ANKIB1: variants seen among roughly 807,000 people sequenced by gnomAD.
ANKIB1 encodes ankyrin repeat and IBR domain-containing protein 1.
ANKIB1 carries 43 observed loss-of-function variants against 122.1 expected under a neutral mutation model. That is an observed-to-expected ratio of 0.35 (90% CI 0.28 to 0.45). ANKIB1 has a LOEUF of 0.45. ANKIB1 is among the 20% of genes least tolerant of loss of function. The pLI, the probability that ANKIB1 is intolerant of heterozygous loss-of-function variation, is 1.00. For missense variants in ANKIB1, 992 were observed against 1,329.5 expected, an observed-to-expected ratio of 0.75 and a Z score of 3.95; for synonymous variants, 390 against 442.0, an observed-to-expected ratio of 0.88 and a Z score of 1.48.
chr7:92,353,951 C>G (rs1423097075), intron 9 of ANKIB1, among the ~76,000 whole-genome samples: 1 of 152,102 alleles, frequency 6.6e-6, no homozygotes, highest in Non-Finnish European at 1.5e-5. Context: ...AGGAAAATGT[C>G]TAAAAGATAA....
chr7:92,343,398 T>G (rs1223637151), intron 6 of ANKIB1, among the ~76,000 whole-genome samples, 166 bp downstream of exon 6: 1 of 152,224 alleles, frequency 6.6e-6, no homozygotes, highest in Non-Finnish European at 1.5e-5. Flanking sequence ...ATATTTATTA[T>G]TACAGAATGT....
intron 1 of ANKIB1, among the ~76,000 whole-genome samples, chr7:92,248,229 C>T (rs1429150625): frequency 6.6e-6 from 1 of 152,032 alleles, no homozygotes; most frequent in Non-Finnish European, 1.5e-5. Context: ...TCACTGTTCC[C>T]TTGACCACTA....
At position 92,353,231 on chromosome 7, in the gene ANKIB1, T is replaced by C. The variant is rs543043582; in HGVS notation, c.1397+589T>C. Among the ~76,000 whole-genome samples, 5 of 152,340 alleles carry C rather than the reference T, an allele frequency of 3.3e-5. No homozygotes were observed. In the East Asian group the frequency reaches 7.7e-4, roughly 24 times the overall value. ...TTAAAAATTTCCCAGGAGATGCTAA[T>C]GAACAGTTCTAGTCAGGAATCAATG... On this transcript the variant is annotated intron_variant, in intron 9 of 19. Coordinates refer to ENST00000265742, the MANE Select transcript of ANKIB1 (RefSeq NM_019004.2).
Position 92,352,497 on chromosome 7 carries a change from G to A in ANKIB1, c.1252G>A (p.Ala418Thr). 1 of 1,612,830 alleles carries A rather than the reference G, an allele frequency of 6.2e-7. No homozygotes were observed. The highest frequency in any genetic ancestry group is 8.5e-7 in the Non-Finnish European group (1 of 1,179,632). Reference sequence around the variant, plus strand: ...ACAGGCCTTTGTTGAAAATAATCCTGCCATTAAATGGTGTCCTACTCCAGG... The same window carrying A: ...ACAGGCCTTTGTTGAAAATAATCCTACCATTAAATGGTGTCCTACTCCAGG... ...DIKAFVENNP[A>T]IKWCPTPGCD... The change falls in exon 9 of 20, where the codon GCC becomes ACC. Residue 418 changes from alanine (A) to threonine (T), a missense_variant. Physicochemically the swap from Ala to Thr is moderately conservative, Grantham distance 58 (BLOSUM62 0). This residue lies in a region of ANKIB1 where 521 missense variants were observed against 777.7 expected (regional missense o/e 0.67). Transcript: ENST00000265742.
chr7:92,352,585 G>C lies in ANKIB1; in HGVS notation c.1340G>C (p.Ser447Thr). 1 of 1,613,256 alleles carries C rather than the reference G, an allele frequency of 6.2e-7. No individual in the cohort carries two copies. Among genetic ancestry groups the C allele is most frequent in the Non-Finnish European group, 8.5e-7 (1 of 1,179,744 alleles). The change falls in exon 9 of 20, where the codon AGC becomes ACC. Residue 447 changes from serine (S) to threonine (T), a missense_variant. Ser to Thr is a moderately conservative substitution (Grantham distance 58). This residue lies in a region of ANKIB1 where 521 missense variants were observed against 777.7 expected (regional missense o/e 0.67). Coordinates refer to ENST00000265742, the MANE Select transcript of ANKIB1 (RefSeq NM_019004.2). ...AATACATCTGGATCTGATACACTCAGCTTCCCATTGCTGAGAGCTCCTGCT... is the reference window on the plus strand; with the variant it reads ...AATACATCTGGATCTGATACACTCACCTTCCCATTGCTGAGAGCTCCTGCT... Reference protein sequence around the residue: ...GSNTSGSDTLSFPLLRAPAVD... With the variant: ...GSNTSGSDTLTFPLLRAPAVD...
intron 1 of ANKIB1, among the ~76,000 whole-genome samples, chr7:92,278,970 C>T (rs773950124): frequency 6.6e-6 from 1 of 152,178 alleles, no homozygotes; most frequent in Non-Finnish European, 1.5e-5. Flanking sequence ...GCAGTGGTCC[C>T]CAACCTTTTT....
intron 12 of ANKIB1, among the ~76,000 whole-genome samples, chr7:92,387,105 C>T (rs369360912): frequency 6.6e-6 from 1 of 152,040 alleles, no homozygotes; most frequent in African/African-American, 2.4e-5. Context: ...AGACAGCCAC[C>T]CTCTCACTAT....
chr7:92,297,091 A>G (rs774552028), intron 2 of ANKIB1, among the ~76,000 whole-genome samples: 4 of 152,242 alleles, frequency 2.6e-5, no homozygotes, highest in Non-Finnish European at 4.4e-5. Context: ...TAATAGAGCT[A>G]TTAACAGTGC....
chr7:92,312,330 C>T (rs926674440), intron 3 of ANKIB1, among the ~76,000 whole-genome samples: 1 of 152,102 alleles, frequency 6.6e-6, no homozygotes, highest in Non-Finnish European at 1.5e-5. Context: ...ATTAGAAATG[C>T]TTATATGATA....
chr7:92,311,725 C>A (rs1011390030), intron 3 of ANKIB1, among the ~76,000 whole-genome samples: 4 of 122,930 alleles, frequency 3.3e-5, no homozygotes, highest in South Asian at 6.3e-4. Flanking sequence ...GCGCCCCCCC[C>A]ACACACACAC....
chr7:92,300,680 T>G (rs1490460098), intron 2 of ANKIB1, among the ~76,000 whole-genome samples: 2 of 152,196 alleles, frequency 1.3e-5, no homozygotes, highest in South Asian at 2.1e-4. Flanking sequence ...AACATATTTA[T>G]CTCCTCAAAT....
chr7:92,323,065 A>G (rs1802947920), intron 4 of ANKIB1, among the ~76,000 whole-genome samples: 1 of 152,204 alleles, frequency 6.6e-6, no homozygotes, highest in African/African-American at 2.4e-5. Context: ...GTCTGCTGCT[A>G]TAATCATGAT....
At chr7:92,316,266 C>T (rs2131945448) in intron 3 of ANKIB1, among the ~76,000 whole-genome samples, 1 of 152,292 alleles carries the variant, frequency 6.6e-6, no homozygotes, top group Non-Finnish European at 1.5e-5. Flanking sequence ...AAGTACTCTT[C>T]AGAACCAGAC....
Position 92,348,063 on chromosome 7 carries a change from C to A in ANKIB1, c.1086-2887C>A, listed in dbSNP as rs1358184730. 3.0e-5 allele frequency: 12 copies of A among 396,636 alleles called. No individual in the cohort carries two copies. In the Admixed American group the frequency reaches 4.2e-4, roughly 14 times the overall value. The allele number at this position is 396,636 out of a possible 1,614,324, so 24.6% of individuals were successfully genotyped here. On this transcript the variant is annotated intron_variant, in intron 7 of 19. Coordinates refer to ENST00000265742, the MANE Select transcript of ANKIB1 (RefSeq NM_019004.2). ...TCTCTTTTAGTGACACTTATCAACT[C>A]CATGTTCTGCTCATAAATTTTTATT...
At chr7:92,347,545 C>T (rs1334999154) in intron 7 of ANKIB1, among the ~76,000 whole-genome samples, 2 of 152,102 alleles carry the variant, frequency 1.3e-5, no homozygotes, top group Non-Finnish European at 2.9e-5. Flanking sequence ...TTCAGGAGTT[C>T]AAGACTACAG....
intron 16 of ANKIB1, among the ~76,000 whole-genome samples, chr7:92,391,642 A>C (rs950466019): frequency 3.9e-5 from 6 of 152,150 alleles, no homozygotes; most frequent in African/African-American, 1.4e-4. Context: ...ATCATTTCAA[A>C]TATGTAATAT....
intron 11 of ANKIB1, among the ~76,000 whole-genome samples, chr7:92,376,407 A>G (rs1211768801): frequency 6.6e-6 from 1 of 151,944 alleles, no homozygotes; most frequent in Non-Finnish European, 1.5e-5. Context: ...CACAGCTTCT[A>G]CATCAGCACT....
chr7:92,369,860 A>G (rs1343887721), intron 10 of ANKIB1, among the ~76,000 whole-genome samples: 1 of 152,224 alleles, frequency 6.6e-6, no homozygotes, highest in Non-Finnish European at 1.5e-5. Context: ...ATTTTTAATC[A>G]TGCATCTGGA....
At chr7:92,396,061 A>G (rs1179580376) in intron 17 of ANKIB1, 1 of 331,146 alleles carries the variant, frequency 3.0e-6, no homozygotes, top group African/African-American at 2.2e-5. Flanking sequence ...TTGTAGTATT[A>G]ATTAGATAAC....
Sources: allele counts gnomAD v4.1 joint callset (sites outside exome capture counted in the v4.1 genomes callset), GRCh38; gene constraint gnomAD v4.1.1; regional missense constraint gnomAD v4.1.1; transcripts MANE v1.5; gene names NCBI Gene and HGNC (gene_info 2026-07-23, HGNC 2026-07-21).